MCPH1: variants seen among roughly 807,000 people sequenced by gnomAD.
MCPH1 encodes microcephalin 1, also known as microcephalin.
A neutral mutation model predicts 84.5 loss-of-function variants in MCPH1; 104 were observed. The ratio of observed to expected loss-of-function variants is 1.23; its 90% CI spans 1.05 to 1.45. MCPH1 has a LOEUF of 1.45. Among genes scored for constraint, MCPH1 ranks in the 40% most tolerant of loss-of-function variants. The pLI is 0.00. For missense variants in MCPH1, 1,498 were observed against 1,005.7 expected, an observed-to-expected ratio of 1.49 and a Z score of -6.62; for synonymous variants, 514 against 366.8, an observed-to-expected ratio of 1.40 and a Z score of -4.58.
intron 4 of MCPH1, among the ~76,000 whole-genome samples, chr8:6,432,724 T>C (rs1802024562): frequency 1.3e-5 from 2 of 152,248 alleles, no homozygotes; most frequent in Non-Finnish European, 2.9e-5. Context: ...ATTTCTTCGT[T>C]ACATTTCATC....
chr8:6,415,304 T>TTTTTC (rs1215729077), intron 3 of MCPH1, among the ~76,000 whole-genome samples: 2 of 151,310 alleles, frequency 1.3e-5, no homozygotes, highest in Non-Finnish European at 2.9e-5. Flanking sequence ...TCTTTTTTTT[T>TTTTTC]TGAGACAAAG....
intron 12 of MCPH1, among the ~76,000 whole-genome samples, chr8:6,510,960 A>C (rs1206748860): frequency 6.6e-6 from 1 of 152,042 alleles, no homozygotes. Flanking sequence ...TGTCATAAAT[A>C]CTCATCTCTG....
rs1260194157 is a variant in MCPH1, at chr8:6,645,766, A to T, written c.*2717A>T. 1.3e-5 allele frequency: 2 copies of T among 152,168 alleles called. No individual in the cohort carries two copies. The highest frequency in any genetic ancestry group is 2.9e-5 in the Non-Finnish European group (2 of 68,012). The allele number at this position is 152,168 out of a possible 1,614,324, so 9.4% of individuals were successfully genotyped here. On this transcript the variant is annotated 3_prime_UTR_variant, in exon 14 of 14. Transcript: ENST00000344683. Reference sequence around the variant, plus strand: ...AATTCAAAATGAAATTAAGACCACGATTCCATTTAAAATTGCATCTAAAAA... The same window carrying T: ...AATTCAAAATGAAATTAAGACCACGTTTCCATTTAAAATTGCATCTAAAAA...
At position 6,621,437 on chromosome 8, in the gene MCPH1, C is replaced by T. The variant is rs1554482920; in HGVS notation, c.2215-17C>T. The T allele has an allele frequency of 2.5e-6, 4 of 1,613,624 alleles. No individual in the cohort carries two copies. The South Asian group carries it at 3.3e-5, about 13-fold the overall frequency. ...AGTGGTCCCACCTCTGTAATTCTAT[C>T]TCTGTCTGCCCCACAGCTGTGCCGA... On this transcript the variant is annotated splice_polypyrimidine_tract_variant and intron_variant, in intron 12 of 13. Coordinates refer to ENST00000344683, the MANE Select transcript of MCPH1 (RefSeq NM_024596.5).
At position 6,425,228 on chromosome 8, in the gene MCPH1, C is replaced by T. The variant is rs532009899; in HGVS notation, c.234-6271C>T. ...TTGATTTCTGTTGGCTCTGAGGCAG[C>T]AGCAGGTCAAATAGTTGGTTCTCTG... On this transcript the variant is annotated intron_variant, in intron 3 of 13. Coordinates refer to ENST00000344683, the MANE Select transcript of MCPH1 (RefSeq NM_024596.5). 3.2e-4 allele frequency among the ~76,000 whole-genome samples: 49 copies of T among 152,294 alleles called. 1 individual carries two copies. The highest frequency in any genetic ancestry group is 1.0e-3 in the African/African-American group (42 of 41,564).
intron 2 of MCPH1, among the ~76,000 whole-genome samples, chr8:6,411,482 C>A (rs541222539): frequency 2.0e-5 from 3 of 152,032 alleles, no homozygotes; most frequent in Non-Finnish European, 2.9e-5. Flanking sequence ...GCCAGAGAAG[C>A]CTTAAGGTGC....
intron 12 of MCPH1, among the ~76,000 whole-genome samples, chr8:6,607,736 T>C (rs1829906731): frequency 6.6e-6 from 1 of 152,204 alleles, no homozygotes; most frequent in Admixed American, 6.5e-5. Context: ...TTCACTTGCT[T>C]CCCATTTTTC....
chr8:6,600,759 T>C (rs555363305), intron 12 of MCPH1, among the ~76,000 whole-genome samples: 137 of 152,318 alleles, frequency 9.0e-4, no homozygotes, highest in Non-Finnish European at 9.0e-4. Flanking sequence ...TTTCAATAGC[T>C]GAGCAACGCA....
chr8:6,412,932 G>C (rs917519974), intron 2 of MCPH1, among the ~76,000 whole-genome samples: 1 of 152,220 alleles, frequency 6.6e-6, no homozygotes, highest in Non-Finnish European at 1.5e-5. Context: ...ACGCTTTGCA[G>C]TACATTTCCT....
chr8:6,477,180 T>C (rs1217177581), intron 9 of MCPH1: 1 of 183,980 alleles, frequency 5.4e-6, no homozygotes, highest in East Asian at 1.5e-4. Flanking sequence ...AGCATTATTG[T>C]GCACCTGTGT....
intron 4 of MCPH1, among the ~76,000 whole-genome samples, chr8:6,431,804 G>T (rs1190459277): frequency 6.6e-6 from 1 of 152,210 alleles, no homozygotes; most frequent in East Asian, 1.9e-4. Context: ...GGAAAAGCCT[G>T]TGGTTGGCCA....
intron 7 of MCPH1, 78 bp from the exon 8 acceptor site, chr8:6,444,315 T>C: frequency 6.4e-7 from 1 of 1,556,132 alleles, no homozygotes. Context: ...TAAAAGTTGT[T>C]TTATTGGTCA....
At chr8:6,605,811 C>T (rs1347464568) in intron 12 of MCPH1, among the ~76,000 whole-genome samples, 2 of 152,174 alleles carry the variant, frequency 1.3e-5, no homozygotes, top group Non-Finnish European at 2.9e-5. Flanking sequence ...AATTCTCGTG[C>T]CTCAGACTCC....
chr8:6,446,473 T>C (rs1804392813), intron 8 of MCPH1: 4 of 985,150 alleles, frequency 4.1e-6, no homozygotes, highest in Admixed American at 6.1e-5. Context: ...TCCCCAAAAT[T>C]GTTTCACAAA....
At chr8:6,420,070 C>G (rs1242878944) in intron 3 of MCPH1, among the ~76,000 whole-genome samples, 1 of 151,362 alleles carries the variant, frequency 6.6e-6, no homozygotes, top group African/African-American at 2.4e-5. Context: ...GAGGGAGGGG[C>G]TCGTGTATCT....
chr8:6,471,438 A>G (rs1283609612), intron 9 of MCPH1, among the ~76,000 whole-genome samples: 2 of 152,236 alleles, frequency 1.3e-5, no homozygotes, highest in Non-Finnish European at 2.9e-5. Flanking sequence ...TGGAGGGATC[A>G]GGCAGGGATA....
chr8:6,623,481 T>A (rs879463582), intron 13 of MCPH1, among the ~76,000 whole-genome samples: 1 of 152,048 alleles, frequency 6.6e-6, no homozygotes, highest in Non-Finnish European at 1.5e-5. Flanking sequence ...CTTCTGGCTT[T>A]TCTCATCATC....
chr8:6,413,889 A>T (rs576491481), intron 2 of MCPH1, among the ~76,000 whole-genome samples: 1 of 151,750 alleles, frequency 6.6e-6, no homozygotes, highest in Non-Finnish European at 1.5e-5. Context: ...CGAGTTGCTG[A>T]GACTACAGGC....
In MCPH1 at chr8:6,591,009, C is replaced by G. The variant is rs182602243; in HGVS notation, c.2215-30445C>G. ...CTCCGCTTCCTGGGCTCAAGTAATT[C>G]TGCCTCAGCCTCCCGAGTAGCTGGG... On this transcript the variant is annotated intron_variant, in intron 12 of 13. Coordinates refer to ENST00000344683, the MANE Select transcript of MCPH1 (RefSeq NM_024596.5). 2.4e-4 allele frequency among the ~76,000 whole-genome samples: 36 copies of G among 152,386 alleles called. No individual in the cohort carries two copies. The East Asian group carries it at 6.9e-3, about 29-fold the overall frequency.
Sources: gnomAD v4.1 joint callset for allele counts (sites outside exome capture counted in the v4.1 genomes callset) on GRCh38, gnomAD v4.1.1 for gene constraint, MANE v1.5 for transcripts, NCBI Gene and HGNC (gene_info 2026-07-23, HGNC 2026-07-21) for gene names.